CGGBP1: variants seen among roughly 807,000 people sequenced by gnomAD.
CGGBP1 encodes CGG triplet repeat binding protein 1.
Under a neutral mutation model 11.4 loss-of-function variants are expected in CGGBP1, and 4 were observed. That is an observed-to-expected ratio of 0.35 (90% CI 0.17 to 0.80). The LOEUF is 0.80. Among genes scored for constraint, CGGBP1 ranks in the 30% least tolerant of loss-of-function variants. CGGBP1 has a pLI of 0.52. For missense variants in CGGBP1, 135 were observed against 202.1 expected, an observed-to-expected ratio of 0.67 and a Z score of 2.01; for synonymous variants, 76 against 74.1, an observed-to-expected ratio of 1.03 and a Z score of -0.13.
At chr3:88,066,901 C>T (rs891533908) in intron 2 of CGGBP1, among the ~76,000 whole-genome samples, 1 of 152,114 alleles carries the variant, frequency 6.6e-6, no homozygotes, top group Non-Finnish European at 1.5e-5. Context: ...TTGAATGACA[C>T]ATTAATTGTA....
chr3:88,111,364 C>A (rs1705079889), intron 2 of CGGBP1, among the ~76,000 whole-genome samples: 1 of 151,916 alleles, frequency 6.6e-6, no homozygotes, highest in Non-Finnish European at 1.5e-5. Context: ...GATAGTCTGA[C>A]AATGTATAAA....
intron 2 of CGGBP1, among the ~76,000 whole-genome samples, chr3:88,092,896 G>C (rs1703830907): frequency 1.3e-5 from 2 of 152,124 alleles, no homozygotes; most frequent in African/African-American, 2.4e-5. Flanking sequence ...TTGAAAATTA[G>C]AGTTTTGCTA....
At chr3:88,112,013 C>G (rs1018357478) in intron 2 of CGGBP1, among the ~76,000 whole-genome samples, 2 of 151,826 alleles carry the variant, frequency 1.3e-5, no homozygotes, top group African/African-American at 4.8e-5. Flanking sequence ...AACCTAACTT[C>G]TAGAAGCATT....
At chr3:88,121,589 T>G (rs1462024341) in intron 2 of CGGBP1, among the ~76,000 whole-genome samples, 1 of 152,128 alleles carries the variant, frequency 6.6e-6, no homozygotes, top group Non-Finnish European at 1.5e-5. Context: ...AATGGCAAAT[T>G]AAACATGATT....
At chr3:88,072,179 A>AG in intron 2 of CGGBP1, among the ~76,000 whole-genome samples, 1 of 152,348 alleles carries the variant, frequency 6.6e-6, no homozygotes, top group South Asian at 2.1e-4. Context: ...TGAATTATCT[A>AG]GTAAGGGAGA....
intron 2 of CGGBP1, chr3:88,138,849 T>G: frequency 8.1e-7 from 1 of 1,232,116 alleles, no homozygotes; most frequent in East Asian, 3.2e-5. Flanking sequence ...CCTCAGGATT[T>G]GTGCACTCTC....
intron 2 of CGGBP1, among the ~76,000 whole-genome samples, chr3:88,107,976 T>C (rs894390402): frequency 5.3e-5 from 8 of 152,010 alleles, no homozygotes; most frequent in African/African-American, 1.9e-4. Flanking sequence ...GTGGTTTTTA[T>C]TGTTCTTATC....
chr3:88,057,530 C>G (rs1326739069), intron 2 of CGGBP1: 2 of 151,970 alleles, frequency 1.3e-5, no homozygotes, highest in African/African-American at 2.4e-5. Context: ...ATGGTTCTAA[C>G]CTAGTTGTGG....
intron 2 of CGGBP1, among the ~76,000 whole-genome samples, chr3:88,088,069 G>C (rs1576242266): frequency 1.3e-5 from 2 of 152,128 alleles, no homozygotes; most frequent in Admixed American, 6.6e-5. Context: ...TCAGATAAGG[G>C]ACACTCAACC....
intron 2 of CGGBP1, among the ~76,000 whole-genome samples, chr3:88,096,820 G>C (rs1250911957): frequency 6.6e-6 from 1 of 151,922 alleles, no homozygotes; most frequent in Admixed American, 6.6e-5. Flanking sequence ...TAGTTTCCTA[G>C]TTTCTGTATC....
intron 2 of CGGBP1, chr3:88,138,608 CAGCTTTCATT>C: frequency 1.4e-6 from 1 of 689,840 alleles, no homozygotes; most frequent in Non-Finnish European, 2.0e-6. Context: ...TATGTTTATT[CAGCTTTCATT>C]TTAAGAGTTG....
intron 2 of CGGBP1, among the ~76,000 whole-genome samples, chr3:88,067,342 C>T (rs962600164): frequency 2.6e-5 from 4 of 152,192 alleles, no homozygotes; most frequent in Admixed American, 6.5e-5. Flanking sequence ...GCTTTTGCCT[C>T]ATCCAAGGAG....
At chr3:88,101,632 A>G (rs1382130662) in intron 2 of CGGBP1, among the ~76,000 whole-genome samples, 6 of 152,128 alleles carry the variant, frequency 3.9e-5, no homozygotes, top group Non-Finnish European at 5.9e-5. Flanking sequence ...TTGGGCTATA[A>G]ACATTTCTGT....
At chr3:88,056,059 GAAC>G in intron 3 of CGGBP1, 60 bp from the exon 4 acceptor site, 1 of 1,321,536 alleles carries the variant, frequency 7.6e-7, no homozygotes, top group East Asian at 2.3e-5. Flanking sequence ...TGGAAGTAAT[GAAC>G]AATAAAAGGC....
At chr3:88,132,493 T>A (rs1706525562) in intron 2 of CGGBP1, among the ~76,000 whole-genome samples, 1 of 152,228 alleles carries the variant, frequency 6.6e-6, no homozygotes, top group Non-Finnish European at 1.5e-5. Context: ...CAGGATTTTT[T>A]TGTTGTTGGT....
intron 2 of CGGBP1, among the ~76,000 whole-genome samples, chr3:88,091,579 T>C (rs1468864327): frequency 4.6e-5 from 7 of 152,214 alleles, no homozygotes; most frequent in Non-Finnish European, 1.0e-4. Flanking sequence ...CATTGCCTGC[T>C]AGCTGATATG....
At chr3:88,147,317 A>AT (rs757607391) in intron 1 of CGGBP1, among the ~76,000 whole-genome samples, 32 of 152,302 alleles carry the variant, frequency 2.1e-4, no homozygotes, top group Middle Eastern at 3.4e-3. Context: ...GGCCTCTCTG[A>AT]TAAGGTGACT....
intron 1 of CGGBP1, chr3:88,141,687 G>C: frequency 6.8e-7 from 1 of 1,472,578 alleles, no homozygotes. Context: ...CAATCAAGCA[G>C]TAGTGTGAAA....
At chr3:88,101,168 A>G (rs1704399420) in intron 2 of CGGBP1, among the ~76,000 whole-genome samples, 1 of 152,118 alleles carries the variant, frequency 6.6e-6, no homozygotes, top group Admixed American at 6.6e-5. Context: ...TTGTCAGTTT[A>G]TAATTCAGTG....
Sources: allele counts gnomAD v4.1 joint callset (sites outside exome capture counted in the v4.1 genomes callset), GRCh38; gene constraint gnomAD v4.1.1; transcripts MANE v1.5; gene names NCBI Gene and HGNC (gene_info 2026-07-23, HGNC 2026-07-21).